The following NPEPPS variants were observed in gnomAD, a reference collection of about 807,000 sequenced individuals.
NPEPPS encodes puromycin-sensitive aminopeptidase.
In NPEPPS, 14 loss-of-function variants were observed where a neutral mutation model predicts 115.5. That is an observed-to-expected ratio of 0.12 (90% confidence interval 0.08 to 0.19). The LOEUF is 0.19. NPEPPS is among the 10% of genes least tolerant of loss of function. The probability of loss-of-function intolerance (pLI) is 1.00; values close to 1 mark genes in which losing one functional copy is unlikely to be tolerated. For missense variants in NPEPPS, 523 were observed against 1,110.8 expected (o/e 0.47, Z 7.52); for synonymous variants, 285 against 390.6 (o/e 0.73, Z 3.19).
rs199839693 is a variant in NPEPPS at position 47,618,328 on chromosome 17, A to G, written c.2296-22A>G. 16 of 1,514,914 alleles carry G rather than the reference A, an allele frequency of 1.1e-5. No homozygotes were observed. In the African/African-American group the frequency reaches 1.6e-4, roughly 16 times the overall value. 93.8% of individuals were successfully genotyped at this position (1,514,914 alleles called of 1,614,324 possible). On this transcript the variant is annotated intron_variant, in intron 19 of 22. Coordinates refer to ENST00000322157, the MANE Select transcript of NPEPPS (RefSeq NM_006310.4). ...ATCCAAGGGAGAGTTAACTATTCCT[A>G]TCTTTATCTTTTTTCCTGTAGCTTC...
chr17:47,532,715 C>T (rs1020998673), intron 1 of NPEPPS, among the ~76,000 whole-genome samples: 8 of 150,042 alleles, frequency 5.3e-5, no homozygotes, highest in Admixed American at 2.0e-4. Context: ...TAACATACCA[C>T]CGGTGAAAAT....
At position 47,622,747 on chromosome 17, in the gene NPEPPS, C is replaced by G. The variant is rs1597905311; in HGVS notation, c.*827C>G. On this transcript the variant is annotated 3_prime_UTR_variant, in exon 23 of 23. Coordinates refer to ENST00000322157, the MANE Select transcript of NPEPPS (RefSeq NM_006310.4). ...CTTTTTAAAGATGACTTATAAGAAC[C>G]CTGAAATTTATATAGGTGAGACAAT... is the stretch of plus-strand genomic sequence containing the variant. 2 of 396,090 alleles carry G rather than the reference C, an allele frequency of 5.0e-6. No homozygotes were observed. The highest frequency in any genetic ancestry group is 1.6e-4 in the East Asian group (2 of 12,826). The allele number at this position is 396,090 out of a possible 1,614,324, so 24.5% of individuals were successfully genotyped here. A position where few individuals can be genotyped will look rare whatever the true frequency, so the allele number is the denominator to read the frequency against.
At chr17:47,619,328 C>A in intron 21 of NPEPPS, 164 bp downstream of exon 21, 1 of 693,270 alleles carries the variant, frequency 1.4e-6, no homozygotes, top group Non-Finnish European at 2.5e-6. Flanking sequence ...CCGAGGTGGG[C>A]AGATCACCTG....
At chr17:47,592,927 C>G (rs1401875040) in intron 12 of NPEPPS, among the ~76,000 whole-genome samples, 1 of 152,074 alleles carries the variant, frequency 6.6e-6, no homozygotes, top group Non-Finnish European at 1.5e-5. Context: ...ATGACAGGCC[C>G]TGGTGTGTGA....
At chr17:47,587,989 C>CT (rs1912293418) in intron 9 of NPEPPS, among the ~76,000 whole-genome samples, 1 of 151,110 alleles carries the variant, frequency 6.6e-6, no homozygotes, top group Non-Finnish European at 1.5e-5. Context: ...TGTGTTAGAG[C>CT]TTGGGAGCAC....
intron 1 of NPEPPS, among the ~76,000 whole-genome samples, chr17:47,541,408 C>G (rs1384462349): frequency 6.6e-6 from 1 of 150,376 alleles, no homozygotes; most frequent in Non-Finnish European, 1.5e-5. Flanking sequence ...TGGAGTCTTG[C>G]TTTTGTCGCC....
chr17:47,600,211 A>T (rs891321258), intron 14 of NPEPPS, among the ~76,000 whole-genome samples: 1 of 152,128 alleles, frequency 6.6e-6, no homozygotes, highest in African/African-American at 2.4e-5. Flanking sequence ...AGGTGGTCAG[A>T]TTGCTTGAGC....
At chr17:47,574,992 TAGTA>T (rs1254483923) in intron 3 of NPEPPS, among the ~76,000 whole-genome samples, 2 of 152,226 alleles carry the variant, frequency 1.3e-5, no homozygotes, top group Non-Finnish European at 2.9e-5. Flanking sequence ...GTAACATAGC[TAGTA>T]AGTAACATAG....
intron 5 of NPEPPS, among the ~76,000 whole-genome samples, chr17:47,583,397 C>G (rs1468775231): frequency 1.3e-5 from 2 of 151,832 alleles, no homozygotes; most frequent in Non-Finnish European, 2.9e-5. Flanking sequence ...CCAGCCTGGC[C>G]AACATGGTGA....
chr17:47,576,174 T>A (rs1911509757), intron 3 of NPEPPS, among the ~76,000 whole-genome samples: 1 of 152,184 alleles, frequency 6.6e-6, no homozygotes, highest in Admixed American at 6.5e-5. Flanking sequence ...GTGATTAAAT[T>A]ACCATAATTA....
At chr17:47,535,011 G>A (rs1240927475) in intron 1 of NPEPPS, among the ~76,000 whole-genome samples, 7 of 151,556 alleles carry the variant, frequency 4.6e-5, no homozygotes, top group Non-Finnish European at 8.8e-5. Context: ...CTGGGAGGCC[G>A]AGGCGGGCGG....
At chr17:47,580,172 C>T (rs1474640300) in intron 4 of NPEPPS, 7 of 152,140 alleles carry the variant, frequency 4.6e-5, no homozygotes, top group Non-Finnish European at 8.8e-5. Context: ...CTGCCCATAT[C>T]CCTATATTGT....
In NPEPPS at chr17:47,619,140, A is replaced by C. The variant is rs1914383800; in HGVS notation, c.2535A>C (p.Gly845=). Residue 845 remains glycine (G), a synonymous_variant, in exon 21 of 23, where the codon GGA becomes GGC. Coordinates refer to ENST00000322157, the MANE Select transcript of NPEPPS (RefSeq NM_006310.4). ...WEELYNRYQG[G]FLISRLIKLS... is the part of the protein sequence containing the mutation. ...AACTTTATAACCGATACCAGGGAGGATTCTTAATATCCAGACTAATAAAGG... is the reference window on the plus strand; with the variant it reads ...AACTTTATAACCGATACCAGGGAGGCTTCTTAATATCCAGACTAATAAAGG... The C allele has an allele frequency of 6.2e-7, 1 of 1,613,584 alleles. No individual in the cohort carries two copies. Among genetic ancestry groups the C allele is most frequent in the Non-Finnish European group, 8.5e-7 (1 of 1,179,744 alleles).
chr17:47,525,626 A>G (rs529706621), intron 1 of NPEPPS, among the ~76,000 whole-genome samples: 2 of 152,242 alleles, frequency 1.3e-5, no homozygotes, highest in East Asian at 3.9e-4. Flanking sequence ...TACAGGCGTG[A>G]GGCATGGTGC....
Position 47,577,285 on chromosome 17 carries a change from C to T in NPEPPS, c.419-2105C>T, listed in dbSNP as rs1411101814. ...AAAAAACATCTTAACAGTTGATTGA[C>T]TTAGTGAAACAGACTGGGCAATTCC... On this transcript the variant is annotated intron_variant, in intron 3 of 22. Coordinates refer to ENST00000322157, the MANE Select transcript of NPEPPS (RefSeq NM_006310.4). 4 of 379,190 alleles carry T rather than the reference C, an allele frequency of 1.1e-5. No individual in the cohort carries two copies. In the Admixed American group the frequency reaches 1.4e-4, roughly 13 times the overall value. The allele number at this position is 379,190 out of a possible 1,614,324, so 23.5% of individuals were successfully genotyped here.
At chr17:47,541,232 A>G (rs570945522) in intron 1 of NPEPPS, among the ~76,000 whole-genome samples, 36 of 152,150 alleles carry the variant, frequency 2.4e-4, no homozygotes, top group Non-Finnish European at 4.3e-4. Context: ...GATGGATGAA[A>G]GTGTGGTTGC....
intron 12 of NPEPPS, 118 bp from the exon 13 acceptor site, chr17:47,596,235 C>T: frequency 1.7e-6 from 1 of 603,862 alleles, no homozygotes; most frequent in South Asian, 2.5e-5. Context: ...CTCACTGTTT[C>T]CTGAACCTGA....
intron 2 of NPEPPS, among the ~76,000 whole-genome samples, chr17:47,546,342 A>G (rs1462048554): frequency 6.6e-6 from 1 of 151,930 alleles, no homozygotes; most frequent in Non-Finnish European, 1.5e-5. Flanking sequence ...GGGAGGATCT[A>G]TTGAGCCCAG....
chr17:47,622,037 TGGA>T lies in NPEPPS; in HGVS notation c.*118_*120del. The T allele has an allele frequency of 7.4e-7, 1 of 1,357,094 alleles. No individual in the cohort carries two copies. The highest frequency in any genetic ancestry group is 2.6e-5 in the East Asian group (1 of 38,030). 84.1% of individuals were successfully genotyped at this position (1,357,094 alleles called of 1,614,324 possible). The stretch of plus-strand genomic sequence containing the variant: ...AGTCTTCTTTCAAACCAGTGGGGGT[TGGA>T]CAATGAATGTAGTTAACTGGTTCCT... On this transcript the variant is annotated 3_prime_UTR_variant, in exon 23 of 23. Transcript: ENST00000322157.
Sources: gnomAD v4.1 joint callset for allele counts (sites outside exome capture counted in the v4.1 genomes callset) on GRCh38, gnomAD v4.1.1 for gene constraint, MANE v1.5 for transcripts, NCBI Gene and HGNC (gene_info 2026-07-23, HGNC 2026-07-21) for gene names.